The following SH3RF3 variants were observed in gnomAD, a reference collection of about 807,000 sequenced individuals.
The protein encoded by SH3RF3 is E3 ubiquitin-protein ligase SH3RF3.
SH3RF3 carries 29 observed loss-of-function variants against 66.3 expected under a neutral mutation model. The observed-to-expected ratio is 0.44, with a 90% CI of 0.33 to 0.60. The LOEUF (loss-of-function observed/expected upper bound fraction) is 0.60. Among genes scored for constraint, SH3RF3 ranks in the 20% least tolerant of loss-of-function variants. The probability of loss-of-function intolerance (pLI) is 0.04; values close to 1 mark genes in which losing one functional copy is unlikely to be tolerated. For missense variants in SH3RF3, 1,194 were observed against 1,190.9 expected (o/e 1.00, Z -0.04); for synonymous variants, 583 against 532.0 (o/e 1.10, Z -1.32).
intron 8 of SH3RF3, among the ~76,000 whole-genome samples, chr2:109,458,481 A>G (rs757267032): frequency 5.9e-5 from 9 of 152,070 alleles, no homozygotes; most frequent in Non-Finnish European, 1.2e-4. Context: ...AAATGGGAAT[A>G]ATGTCTTTTT....
rs1418881536 is a variant in SH3RF3, at chr2:109,129,421, G to T, written c.-120G>T. 1 of 1,463,796 alleles carries T rather than the reference G, an allele frequency of 6.8e-7. No individual in the cohort carries two copies. Among genetic ancestry groups the T allele is most frequent in the East Asian group, 2.8e-5 (1 of 36,160 alleles). 90.7% of individuals were successfully genotyped at this position (1,463,796 alleles called of 1,614,324 possible). On this transcript the variant is annotated 5_prime_UTR_variant, in exon 1 of 10. Coordinates refer to ENST00000309415, the MANE Select transcript of SH3RF3 (RefSeq NM_001099289.3). ...AGCCCTAGCATCGGGCCACCAGCCG[G>T]GGTGAAGAAAGTCACGGCGGAGCCC...
Position 109,341,063 on chromosome 2 carries a change from G to A in SH3RF3, c.574-6611G>A, listed in dbSNP as rs186548179. Reference sequence around the variant, plus strand: ...ACCCTGTGTTTGAAGGGCAAGTCGTGTTTTCATCCTTTGTCTTATTTCATC... The same window carrying A: ...ACCCTGTGTTTGAAGGGCAAGTCGTATTTTCATCCTTTGTCTTATTTCATC... On this transcript the variant is annotated intron_variant, in intron 1 of 9. Coordinates refer to ENST00000309415, the MANE Select transcript of SH3RF3 (RefSeq NM_001099289.3). Among the ~76,000 whole-genome samples the A allele has an allele frequency of 9.9e-4, 150 of 152,278 alleles. 1 individual carries two copies. The highest frequency in any genetic ancestry group is 2.7e-3 in the Admixed American group (41 of 15,302).
At chr2:109,280,224 T>C (rs1574547476) in intron 1 of SH3RF3, among the ~76,000 whole-genome samples, 1 of 152,294 alleles carries the variant, frequency 6.6e-6, no homozygotes, top group East Asian at 1.9e-4. Context: ...ACAGAACACC[T>C]GGCTGTGGAG....
At chr2:109,242,699 C>T (rs1038019578) in intron 1 of SH3RF3, among the ~76,000 whole-genome samples, 4 of 152,200 alleles carry the variant, frequency 2.6e-5, no homozygotes, top group South Asian at 2.1e-4. Context: ...GGACACATTT[C>T]GTGAGCCCTG....
In SH3RF3 at chr2:109,412,210, C is replaced by T. The variant is rs1174330507; in HGVS notation, c.1300-7329C>T. On this transcript the variant is annotated intron_variant, in intron 4 of 9. Coordinates refer to ENST00000309415, the MANE Select transcript of SH3RF3 (RefSeq NM_001099289.3). The stretch of plus-strand genomic sequence containing the variant: ...TGTGCACTCTCAGCCTAGCCTTCAG[C>T]CTCTGCCCAGCAGACAAAACACAGT... 2.0e-5 allele frequency among the ~76,000 whole-genome samples: 3 copies of T among 152,270 alleles called. No individual in the cohort carries two copies. In the East Asian group the frequency reaches 5.8e-4, roughly 29 times the overall value.
chr2:109,415,742 C>T (rs745437783), intron 4 of SH3RF3, among the ~76,000 whole-genome samples: 1 of 152,220 alleles, frequency 6.6e-6, no homozygotes, highest in Non-Finnish European at 1.5e-5. Context: ...ACCGTCACTT[C>T]ATCTGGCCTC....
At chr2:109,201,828 A>G (rs1678682504) in intron 1 of SH3RF3, among the ~76,000 whole-genome samples, 1 of 152,196 alleles carries the variant, frequency 6.6e-6, no homozygotes, top group Admixed American at 6.5e-5. Context: ...GGTTATTTAA[A>G]TGGGGCATAG....
intron 8 of SH3RF3, among the ~76,000 whole-genome samples, chr2:109,470,339 A>C (rs1313215513): frequency 6.6e-6 from 1 of 152,166 alleles, no homozygotes; most frequent in Non-Finnish European, 1.5e-5. Flanking sequence ...CTCCTGCTCC[A>C]TCTGGAAAAG....
intron 2 of SH3RF3, among the ~76,000 whole-genome samples, chr2:109,371,329 G>T (rs1302172753): frequency 6.6e-6 from 1 of 152,260 alleles, no homozygotes; most frequent in East Asian, 1.9e-4. Context: ...GGCGGAGGCT[G>T]CAGTGAGCGG....
At chr2:109,401,931 C>G (rs1329885280) in intron 4 of SH3RF3, among the ~76,000 whole-genome samples, 1 of 152,242 alleles carries the variant, frequency 6.6e-6, no homozygotes, top group East Asian at 1.9e-4. Context: ...ATCCTGGGAT[C>G]CATTTTCCAG....
intron 9 of SH3RF3, among the ~76,000 whole-genome samples, chr2:109,500,677 G>A (rs921594335): frequency 5.9e-5 from 9 of 152,182 alleles, no homozygotes; most frequent in African/African-American, 2.2e-4. Context: ...GGTTAGGCAC[G>A]GTGGCTCATG....
Position 109,330,642 on chromosome 2 carries a change from G to A in SH3RF3, c.574-17032G>A, listed in dbSNP as rs1009274933. On this transcript the variant is annotated intron_variant, in intron 1 of 9. Transcript: ENST00000309415. Reference sequence around the variant, plus strand: ...GTGGTGGATGGATGGAGGGAGAGACGGAAGGGAGGGATGATAGATTGAGGA... The same window carrying A: ...GTGGTGGATGGATGGAGGGAGAGACAGAAGGGAGGGATGATAGATTGAGGA... Among the ~76,000 whole-genome samples the A allele has an allele frequency of 4.5e-4, 69 of 152,208 alleles. 1 individual carries two copies. Among genetic ancestry groups the A allele is most frequent in the African/African-American group, 1.6e-3 (65 of 41,530 alleles).
At chr2:109,269,480 G>A (rs895393195) in intron 1 of SH3RF3, among the ~76,000 whole-genome samples, 6 of 152,178 alleles carry the variant, frequency 3.9e-5, no homozygotes, top group Non-Finnish European at 5.9e-5. Flanking sequence ...ACCAGGTAGT[G>A]CTTAAAAGAT....
chr2:109,288,052 C>T (rs894184011), intron 1 of SH3RF3, among the ~76,000 whole-genome samples: 2 of 152,196 alleles, frequency 1.3e-5, no homozygotes, highest in Admixed American at 6.5e-5. Context: ...TTGAGCTGTC[C>T]CATTGTCACA....
chr2:109,205,459 A>C (rs555375739), intron 1 of SH3RF3, among the ~76,000 whole-genome samples: 4 of 152,200 alleles, frequency 2.6e-5, no homozygotes, highest in Non-Finnish European at 5.9e-5. Context: ...CATGTTGGCC[A>C]GGCTGGTCTT....
intron 1 of SH3RF3, among the ~76,000 whole-genome samples, chr2:109,163,367 T>C (rs1275388264): frequency 1.3e-5 from 2 of 148,836 alleles, no homozygotes; most frequent in African/African-American, 5.0e-5. Flanking sequence ...GAGTTCTCAA[T>C]AGATTAACCA....
At position 109,129,549 on chromosome 2, in the gene SH3RF3, CGG is replaced by C. The variant is rs1676627622; in HGVS notation, c.10_11del (p.Gly4SerfsTer208). The C allele has an allele frequency of 6.7e-7, 1 of 1,495,606 alleles. No individual in the cohort carries two copies. The highest frequency in any genetic ancestry group is 8.9e-7 in the Non-Finnish European group (1 of 1,129,900). 92.6% of individuals were successfully genotyped at this position (1,495,606 alleles called of 1,614,324 possible). Reference protein sequence around the residue: MLLGASWLCASKAA... With the variant: MLLXASWLCASKAA... ...CTGCGGGCGCCTCCCCCATGCTGCT[CGG>C]AGCGTCCTGGCTGTGCGCATCCAAG... On this transcript the variant is annotated frameshift_variant, in exon 1 of 10. Coordinates refer to ENST00000309415, the MANE Select transcript of SH3RF3 (RefSeq NM_001099289.3). LOFTEE classifies it high-confidence loss of function.
chr2:109,148,574 A>G (rs887385408), intron 1 of SH3RF3, among the ~76,000 whole-genome samples: 1 of 152,148 alleles, frequency 6.6e-6, no homozygotes, highest in Non-Finnish European at 1.5e-5. Flanking sequence ...TGAGTAATAG[A>G]CCCCATTAGA....
chr2:109,173,036 C>G (rs1677824479), intron 1 of SH3RF3, among the ~76,000 whole-genome samples: 2 of 152,208 alleles, frequency 1.3e-5, no homozygotes, highest in African/African-American at 2.4e-5. Context: ...TTGGTCATCC[C>G]TGGGTGGTGG....
Sources: gnomAD v4.1 joint callset for allele counts (sites outside exome capture counted in the v4.1 genomes callset) on GRCh38, gnomAD v4.1.1 for gene constraint, MANE v1.5 for transcripts, NCBI Gene and HGNC (gene_info 2026-07-23, HGNC 2026-07-21) for gene names.